Variants in NTRK3 observed in about 807,000 individuals in gnomAD.
NTRK3 encodes the protein neurotrophic receptor tyrosine kinase 3.
In NTRK3, 24 loss-of-function variants were observed where a neutral mutation model predicts 91.7. The observed-to-expected ratio is 0.26, with a 90% CI of 0.19 to 0.37. NTRK3 has a LOEUF of 0.37. Among genes scored for constraint, NTRK3 ranks in the 10% least tolerant of loss-of-function variants. The pLI, the probability that NTRK3 is intolerant of heterozygous loss-of-function variation, is 1.00. For synonymous variants in NTRK3, 483 were observed against 404.0 expected (o/e 1.20, Z -2.34); for missense variants, 880 against 1,068.9 (o/e 0.82, Z 2.46).
intron 17 of NTRK3, among the ~76,000 whole-genome samples, chr15:87,897,586 C>T (rs2066202196): frequency 6.6e-6 from 1 of 152,048 alleles, no homozygotes; most frequent in Admixed American, 6.6e-5. Context: ...TCAAAGGGAT[C>T]CACTCAGCCC....
At chr15:88,089,499 T>A (rs58041915) in intron 13 of NTRK3, among the ~76,000 whole-genome samples, 1 of 152,156 alleles carries the variant, frequency 6.6e-6, no homozygotes, top group African/African-American at 2.4e-5. Flanking sequence ...GATGTAATAC[T>A]GCACAACTAT....
chr15:88,136,504 C>T lies in NTRK3; in HGVS notation c.728G>A (p.Trp243Ter), dbSNP rs2151208868. The T allele has an allele frequency of 6.2e-7, 1 of 1,614,160 alleles. No individual in the cohort carries two copies. The highest frequency in any genetic ancestry group is 8.5e-7 in the Non-Finnish European group (1 of 1,180,036). The change falls in exon 8 of 19, where the codon TGG (tryptophan) becomes TAG (stop). Residue 243 changes from tryptophan (W) to a stop codon, truncating the protein, a stop_gained. Transcript: ENST00000394480. LOFTEE classifies it high-confidence loss of function. ...GATGGACTGCAGCCCAGTGACTATCCAGTCCACATCAGGAAGGGGTGATCC... is the reference window on the plus strand; with the variant it reads ...GATGGACTGCAGCCCAGTGACTATCTAGTCCACATCAGGAAGGGGTGATCC...
intron 14 of NTRK3, among the ~76,000 whole-genome samples, chr15:87,957,310 T>A (rs1293873777): frequency 6.6e-6 from 1 of 152,202 alleles, no homozygotes. Flanking sequence ...TGTCTTCATA[T>A]AATTATCACC....
chr15:87,956,201 C>T (rs2071637201), intron 14 of NTRK3, among the ~76,000 whole-genome samples: 1 of 152,124 alleles, frequency 6.6e-6, no homozygotes, highest in Admixed American at 6.5e-5. Flanking sequence ...CCAACAATAG[C>T]CATAAAAATT....
rs780261236 is a variant in NTRK3 at position 88,135,412 on chromosome 15, G to A, written c.908-15C>T. The A allele has an allele frequency of 1.2e-6, 2 of 1,611,880 alleles. No individual in the cohort carries two copies. The highest frequency in any genetic ancestry group is 1.7e-5 in the Admixed American group (1 of 59,916). Reference sequence around the variant, plus strand: ...ACGTGGGGGATCTGTCAAGGGAGAAGCCTGCTGAAATCCAGGACACAGAGT... The same window carrying A: ...ACGTGGGGGATCTGTCAAGGGAGAAACCTGCTGAAATCCAGGACACAGAGT... On this transcript the variant is annotated splice_polypyrimidine_tract_variant and intron_variant, in intron 9 of 18. Transcript: ENST00000394480.
intron 14 of NTRK3, among the ~76,000 whole-genome samples, chr15:87,981,017 C>G (rs113152888): frequency 0.015 from 2,242 of 152,262 alleles, 26 homozygotes; most frequent in Non-Finnish European, 0.024. Flanking sequence ...TCCCATAGCC[C>G]TTACCTAGGC....
At chr15:88,132,839 C>G (rs185583207) in intron 10 of NTRK3, among the ~76,000 whole-genome samples, 93 of 152,290 alleles carry the variant, frequency 6.1e-4, no homozygotes, top group African/African-American at 2.0e-3. Context: ...ACAAAACAAG[C>G]AAATCTTCCC....
intron 6 of NTRK3, among the ~76,000 whole-genome samples, chr15:88,145,132 C>T (rs972990005): frequency 2.0e-5 from 3 of 152,286 alleles, no homozygotes; most frequent in South Asian, 4.2e-4. Flanking sequence ...TGGCTCATGG[C>T]AGATGGCGCC....
At chr15:87,912,776 C>T (rs2067164559) in intron 17 of NTRK3, among the ~76,000 whole-genome samples, 3 of 151,878 alleles carry the variant, frequency 2.0e-5, no homozygotes, top group African/African-American at 7.2e-5. Context: ...ATCAAGGTCT[C>T]TCATAGAATA....
intron 14 of NTRK3, among the ~76,000 whole-genome samples, chr15:88,012,963 C>T (rs2076983687): frequency 6.6e-6 from 1 of 152,196 alleles, no homozygotes; most frequent in South Asian, 2.1e-4. Flanking sequence ...TGGATAACCC[C>T]TGACTTCGAA....
At position 87,909,570 on chromosome 15, in the gene NTRK3, G is replaced by A. The variant is rs141887018; in HGVS notation, c.2133+19621C>T. On this transcript the variant is annotated intron_variant, in intron 17 of 18. Transcript: ENST00000394480. ...AGGGACGAACAGAAAGAAAGAAGAC[G>A]GAGATGAAAGAAAGGACAGATGGGC... 3.5e-3 allele frequency among the ~76,000 whole-genome samples: 534 copies of A among 152,270 alleles called. 1 individual carries two copies. Among genetic ancestry groups the A allele is most frequent in the Non-Finnish European group, 5.7e-3 (391 of 68,024 alleles).
At chr15:88,109,644 G>T (rs2051112134) in intron 13 of NTRK3, among the ~76,000 whole-genome samples, 1 of 152,172 alleles carries the variant, frequency 6.6e-6, no homozygotes, top group Admixed American at 6.5e-5. Context: ...GGGCTGGGCG[G>T]GGGGCGTTGG....
At chr15:87,995,573 T>C (rs926027055) in intron 14 of NTRK3, among the ~76,000 whole-genome samples, 4 of 152,146 alleles carry the variant, frequency 2.6e-5, no homozygotes, top group African/African-American at 9.7e-5. Context: ...GGGCAGATCA[T>C]GAAGGAACTT....
At chr15:88,118,803 A>C (rs2052387917) in intron 13 of NTRK3, among the ~76,000 whole-genome samples, 2 of 152,184 alleles carry the variant, frequency 1.3e-5, no homozygotes, top group Admixed American at 6.5e-5. Context: ...CAGAATGTCT[A>C]AACTGGGTAA....
chr15:87,988,185 C>T (rs1224799683), intron 14 of NTRK3, among the ~76,000 whole-genome samples: 1 of 152,182 alleles, frequency 6.6e-6, no homozygotes, highest in Admixed American at 6.5e-5. Flanking sequence ...TGAGAATGGC[C>T]TTTCACCTCT....
intron 3 of NTRK3, among the ~76,000 whole-genome samples, chr15:88,209,426 G>A (rs1049686724): frequency 2.6e-5 from 4 of 152,172 alleles, no homozygotes; most frequent in African/African-American, 9.7e-5. Flanking sequence ...GGAGTGGCTA[G>A]GATGCCCTAT....
chr15:88,185,209 A>T (rs910738722), intron 3 of NTRK3, among the ~76,000 whole-genome samples: 1 of 152,208 alleles, frequency 6.6e-6, no homozygotes, highest in African/African-American at 2.4e-5. Flanking sequence ...TAATTAATTC[A>T]TCTTCTTGGA....
chr15:88,128,540 C>A (rs2053518137), intron 11 of NTRK3, among the ~76,000 whole-genome samples, 171 bp downstream of exon 11: 1 of 152,144 alleles, frequency 6.6e-6, no homozygotes, highest in Non-Finnish European at 1.5e-5. Context: ...GGGCTTGGAA[C>A]TGCCTAAAAA....
intron 6 of NTRK3, among the ~76,000 whole-genome samples, chr15:88,143,485 A>G (rs572149872): frequency 6.6e-6 from 1 of 152,344 alleles, no homozygotes; most frequent in East Asian, 1.9e-4. Context: ...TTAAGCCACC[A>G]AGTGTGTGGT....
Sources: allele counts gnomAD v4.1 joint callset (sites outside exome capture counted in the v4.1 genomes callset), GRCh38; gene constraint gnomAD v4.1.1; transcripts MANE v1.5; gene names NCBI Gene and HGNC (gene_info 2026-07-23, HGNC 2026-07-21).